The following SLC5A11 variants were observed in gnomAD, a reference collection of about 807,000 sequenced individuals.
The protein encoded by SLC5A11 is sodium/myo-inositol cotransporter 2.
Under a neutral mutation model 69.8 loss-of-function variants are expected in SLC5A11, and 48 were observed. That is an observed-to-expected ratio of 0.69 (90% CI 0.55 to 0.87). The LOEUF (loss-of-function observed/expected upper bound fraction) is 0.87. Ranked by LOEUF, SLC5A11 falls within the 40% of genes least tolerant of loss-of-function variation. The pLI, the probability that SLC5A11 is intolerant of heterozygous loss-of-function variation, is 0.00. For missense variants in SLC5A11, 784 were observed against 866.1 expected (o/e 0.91, Z 1.19); for synonymous variants, 319 against 342.4 (o/e 0.93, Z 0.75).
In SLC5A11 at chr16:24,891,075, G is replaced by T. The variant is rs759579182; in HGVS notation, c.870+1G>T. ...CCTCTGGTACTGGTGCACGGATCAGGTACAGGACAGTGGCCTGAGCAAGTT... is the reference window on the plus strand; with the variant it reads ...CCTCTGGTACTGGTGCACGGATCAGTTACAGGACAGTGGCCTGAGCAAGTT... On this transcript the variant is annotated splice_donor_variant, in intron 9 of 15. Transcript: ENST00000347898. LOFTEE classifies it high-confidence loss of function. 6.2e-7 allele frequency: 1 copy of T among 1,613,300 alleles called. No homozygotes were observed.
intron 3 of SLC5A11, among the ~76,000 whole-genome samples, chr16:24,864,524 C>T (rs568557559): frequency 2.6e-5 from 4 of 152,240 alleles, no homozygotes; most frequent in African/African-American, 9.6e-5. Context: ...CAGGAATTAT[C>T]AGATTTCTAG....
intron 1 of SLC5A11, among the ~76,000 whole-genome samples, chr16:24,849,677 G>C (rs1402766238): frequency 1.4e-5 from 2 of 143,780 alleles, no homozygotes; most frequent in African/African-American, 5.2e-5. Flanking sequence ...CTCAGAAGGT[G>C]CTCTGTGATG....
rs775609965 is a variant in SLC5A11 at position 24,872,259 on chromosome 16, T to A, written c.372+40T>A. On this transcript the variant is annotated intron_variant, in intron 5 of 15. Transcript: ENST00000347898. ...ATTGGGATGCTGTAGAATTGAAAGA[T>A]GCTTTGGGAATCTCAGCCCTGCAGT... The A allele has an allele frequency of 3.1e-6, 5 of 1,610,774 alleles. No individual in the cohort carries two copies. In the South Asian group the frequency reaches 4.4e-5, roughly 14 times the overall value.
intron 8 of SLC5A11, among the ~76,000 whole-genome samples, chr16:24,886,456 TTTTC>T (rs10617171): frequency 0.39 from 58,588 of 151,742 alleles, 12,511 homozygotes; most frequent in Non-Finnish European, 0.49. Context: ...TGTTTATTCT[TTTTC>T]TTTCTTTCTG....
At chr16:24,894,732 G>C (rs748416018) in intron 9 of SLC5A11, among the ~76,000 whole-genome samples, 1 of 151,886 alleles carries the variant, frequency 6.6e-6, no homozygotes, top group African/African-American at 2.4e-5. Flanking sequence ...CCCGGGAGGC[G>C]GAGCTTGCAG....
chr16:24,852,177 G>T (rs1170438374), intron 1 of SLC5A11, among the ~76,000 whole-genome samples: 1 of 152,106 alleles, frequency 6.6e-6, no homozygotes, highest in Non-Finnish European at 1.5e-5. Context: ...AAACGTTTCA[G>T]ACACACAGAA....
intron 10 of SLC5A11, 119 bp from the exon 12 acceptor site, chr16:24,906,536 CTT>C (rs1025909284): frequency 3.6e-5 from 19 of 524,446 alleles, no homozygotes; most frequent in African/African-American, 5.8e-5. Flanking sequence ...AGTCTAGACT[CTT>C]TTTTATTTCA....
At chr16:24,869,509 G>C (rs756641861) in intron 3 of SLC5A11, among the ~76,000 whole-genome samples, 2 of 152,128 alleles carry the variant, frequency 1.3e-5, no homozygotes, top group Non-Finnish European at 2.9e-5. Flanking sequence ...AAGCAGATCT[G>C]GGGGAGTAAC....
intron 8 of SLC5A11, among the ~76,000 whole-genome samples, chr16:24,886,660 T>G (rs1032183644): frequency 3.3e-5 from 5 of 152,084 alleles, no homozygotes; most frequent in Admixed American, 2.6e-4. Context: ...AGAAGCATTA[T>G]GAAAAAAATG....
chr16:24,906,947 C>T (rs1042734379), intron 11 of SLC5A11, 78 bp from the exon 13 acceptor site: 2 of 1,565,020 alleles, frequency 1.3e-6, no homozygotes, highest in Non-Finnish European at 1.7e-6. Context: ...GAGGTTCTGC[C>T]TCCTCCAGTT....
intron 7 of SLC5A11, among the ~76,000 whole-genome samples, chr16:24,883,590 G>A (rs2048187685): frequency 6.6e-6 from 1 of 152,220 alleles, no homozygotes; most frequent in African/African-American, 2.4e-5. Context: ...TTCGGTGTTA[G>A]GTGGAGCAAC....
chr16:24,881,174 C>G (rs1452172103), intron 7 of SLC5A11, among the ~76,000 whole-genome samples: 10 of 151,234 alleles, frequency 6.6e-5, no homozygotes, highest in Non-Finnish European at 1.5e-4. Context: ...CCACTGCACT[C>G]CAGCCTGGGC....
intron 10 of SLC5A11, among the ~76,000 whole-genome samples, chr16:24,901,815 T>C (rs1490785714): frequency 6.6e-6 from 1 of 151,620 alleles, no homozygotes; most frequent in Admixed American, 6.6e-5. Context: ...CCAGGTGCAG[T>C]GGCTCACGCC....
intron 9 of SLC5A11, 55 bp downstream of exon 10, chr16:24,891,129 G>T: frequency 1.3e-6 from 2 of 1,567,962 alleles, no homozygotes; most frequent in Non-Finnish European, 1.7e-6. Flanking sequence ...TTTCCTTAGG[G>T]TGGCTGAAGT....
chr16:24,855,671 AAAATAAAT>A (rs58100997), intron 1 of SLC5A11, among the ~76,000 whole-genome samples: 1 of 149,982 alleles, frequency 6.7e-6, no homozygotes, highest in Non-Finnish European at 1.5e-5. Context: ...ACCTTGTCTC[AAAATAAAT>A]AAATAAATAA....
At chr16:24,888,709 C>T (rs947121777) in intron 8 of SLC5A11, among the ~76,000 whole-genome samples, 3 of 150,184 alleles carry the variant, frequency 2.0e-5, no homozygotes, top group South Asian at 4.2e-4. Context: ...GTCTCAAACT[C>T]CTGACCTCAG....
rs190023164 is a variant in SLC5A11, at chr16:24,901,495, G to A, written c.1006+3386G>A. On this transcript the variant is annotated intron_variant, in intron 10 of 15. Coordinates refer to ENST00000347898, the Ensembl canonical transcript of SLC5A11. The stretch of plus-strand genomic sequence containing the variant: ...CCAGGCATGGTGGCATGTGCTTATA[G>A]TCCCAGCTACTTGGGAGGCTGAGGT... 3.3e-3 allele frequency among the ~76,000 whole-genome samples: 508 copies of A among 152,084 alleles called. 3 individuals are homozygous for A. The highest frequency in any genetic ancestry group is 0.012 in the African/African-American group (480 of 41,500).
chr16:24,871,609 T>C (rs1056523400), intron 4 of SLC5A11, among the ~76,000 whole-genome samples: 1 of 152,082 alleles, frequency 6.6e-6, no homozygotes, highest in Non-Finnish European at 1.5e-5. Flanking sequence ...CTCATGTACA[T>C]AATAGGCATA....
At chr16:24,890,908 A>G in exon 9 of SLC5A11, 4 of 1,614,174 alleles carry the variant, frequency 2.5e-6, no homozygotes, top group Non-Finnish European at 3.4e-6. Flanking sequence ...CTGAAGGAGA[A>G]GTACTTCTTG....
Sources: allele counts gnomAD v4.1 joint callset (sites outside exome capture counted in the v4.1 genomes callset), GRCh38; gene constraint gnomAD v4.1.1; transcripts MANE v1.5; gene names NCBI Gene and HGNC (gene_info 2026-07-23, HGNC 2026-07-21).